Variants in LIMCH1 observed in about 807,000 individuals in gnomAD.
LIMCH1 encodes the protein LIM and calponin homology domains 1.
A neutral mutation model predicts 176.5 loss-of-function variants in LIMCH1; 113 were observed. The observed-to-expected ratio is 0.64, with a 90% confidence interval of 0.55 to 0.75. The LOEUF is 0.75. LIMCH1 is among the 30% of genes least tolerant of loss of function. The pLI, the probability that LIMCH1 is intolerant of heterozygous loss-of-function variation, is 0.00. For missense variants in LIMCH1, 1,674 were observed against 1,814.9 expected (o/e 0.92, Z 1.41); for synonymous variants, 619 against 645.9 (o/e 0.96, Z 0.63).
At chr4:41,555,789 A>G (rs529383549) in intron 1 of LIMCH1, among the ~76,000 whole-genome samples, 4 of 152,132 alleles carry the variant, frequency 2.6e-5, no homozygotes, top group African/African-American at 9.7e-5. Flanking sequence ...TCTGTTGCCC[A>G]GGCTGCAGTG....
chr4:41,518,927 G>A (rs997738249), intron 2 of LIMCH1, among the ~76,000 whole-genome samples: 2 of 151,862 alleles, frequency 1.3e-5, no homozygotes, highest in East Asian at 1.9e-4. Context: ...TTTTTTTTAC[G>A]GCTGCATAGT....
chr4:41,501,886 T>TAAA (rs1385656116), intron 2 of LIMCH1, among the ~76,000 whole-genome samples: 1 of 97,936 alleles, frequency 1.0e-5, no homozygotes, highest in Non-Finnish European at 2.0e-5. Flanking sequence ...TTTTTTTTTT[T>TAAA]AAAAAAAACC....
intron 1 of LIMCH1, among the ~76,000 whole-genome samples, chr4:41,419,683 CCTT>C (rs2060408126): frequency 4.9e-5 from 2 of 41,100 alleles, no homozygotes; most frequent in South Asian, 9.1e-4. Context: ...CTTCCTTCCT[CCTT>C]CCTTCCTTCC....
At chr4:41,661,310 A>C in intron 18 of LIMCH1, 110 bp from the exon 19 acceptor site, 65 of 687,422 alleles carry the variant, frequency 9.5e-5, no homozygotes, top group East Asian at 1.7e-4. Flanking sequence ...AGAAGAGGGA[A>C]TTCATATGGC....
chr4:41,477,559 A>G (rs2067938717), intron 1 of LIMCH1, among the ~76,000 whole-genome samples: 1 of 152,228 alleles, frequency 6.6e-6, no homozygotes, highest in African/African-American at 2.4e-5. Context: ...AGGGTTCAGA[A>G]GAGCCTGTAG....
intron 7 of LIMCH1, among the ~76,000 whole-genome samples, chr4:41,622,241 C>T (rs767533003): frequency 2.5e-4 from 38 of 151,946 alleles, no homozygotes; most frequent in Non-Finnish European, 4.3e-4. Flanking sequence ...ACACCATGTA[C>T]CAGAGACTGG....
chr4:41,557,546 C>CTGTGTATGTG (rs375027661), intron 1 of LIMCH1, among the ~76,000 whole-genome samples: 6,217 of 147,822 alleles, frequency 0.042, 348 homozygotes, highest in African/African-American at 0.12. Flanking sequence ...TTTATTGCCT[C>CTGTGTATGTG]TGTGTGTGTG....
intron 1 of LIMCH1, among the ~76,000 whole-genome samples, chr4:41,543,070 C>G (rs2078887283): frequency 6.6e-6 from 1 of 152,152 alleles, no homozygotes; most frequent in African/African-American, 2.4e-5. Flanking sequence ...GCTAATTGCA[C>G]AAACATGCGG....
Position 41,502,952 on chromosome 4 carries a change from A to T in LIMCH1, c.167+8346A>T, listed in dbSNP as rs142296526. Among the ~76,000 whole-genome samples, 14 of 151,770 alleles carry T rather than the reference A, an allele frequency of 9.2e-5. No homozygotes were observed. In the East Asian group the frequency reaches 1.4e-3, roughly 15 times the overall value. ...ACACACACACACCCCAGGTACAGAC[A>T]TAACTATATAACCATGCTTGAATTG... is the stretch of plus-strand genomic sequence containing the variant. On this transcript the variant is annotated intron_variant, in intron 2 of 26. Coordinates refer to the LIMCH1 transcript ENST00000313860.
rs2080009416 is a variant in LIMCH1 at position 41,549,067 on chromosome 4, T to TC, written c.-241+10717_-241+10718insC. ...TTTGTCCCCTACTGTTAATTTTTTT[T>TC]TTTAAAGACACTTGGTCTCACTATG... On this transcript the variant is annotated intron_variant, in intron 1 of 31. Transcript: ENST00000503057. Among the ~76,000 whole-genome samples, 3 of 151,174 alleles carry TC rather than the reference T, an allele frequency of 2.0e-5. 1 individual carries two copies. Among genetic ancestry groups the TC allele is most frequent in the Non-Finnish European group, 4.5e-5 (3 of 67,308 alleles).
chr4:41,412,383 G>A (rs1029820448), intron 1 of LIMCH1, among the ~76,000 whole-genome samples: 1 of 152,112 alleles, frequency 6.6e-6, no homozygotes, highest in Non-Finnish European at 1.5e-5. Context: ...ATCTCAATCT[G>A]CATTTTTCTT....
At chr4:41,638,111 G>GTTT (rs72184052) in intron 13 of LIMCH1, among the ~76,000 whole-genome samples, 26 of 91,612 alleles carry the variant, frequency 2.8e-4, no homozygotes, top group African/African-American at 6.1e-4. Flanking sequence ...TTTTGTTGTT[G>GTTT]TTGTTGTTGT....
chr4:41,520,079 G>A (rs772317374), intron 2 of LIMCH1, among the ~76,000 whole-genome samples: 9 of 152,038 alleles, frequency 5.9e-5, no homozygotes, highest in Non-Finnish European at 1.3e-4. Context: ...ATTTTTTACC[G>A]ATTTGCAAAC....
intron 21 of LIMCH1, among the ~76,000 whole-genome samples, chr4:41,667,787 G>T (rs7671106): frequency 0.57 from 86,156 of 151,766 alleles, 25,650 homozygotes; most frequent in African/African-American, 0.72. Flanking sequence ...GAGGGACTAT[G>T]CTTCAAAACA....
intron 1 of LIMCH1, among the ~76,000 whole-genome samples, chr4:41,589,939 A>G (rs1295127811): frequency 6.6e-6 from 1 of 152,034 alleles, no homozygotes; most frequent in East Asian, 1.9e-4. Context: ...CCTTAGGACA[A>G]TCTCAATGTC....
chr4:41,592,706 C>T (rs2087867258), intron 1 of LIMCH1, among the ~76,000 whole-genome samples: 1 of 152,194 alleles, frequency 6.6e-6, no homozygotes, highest in South Asian at 2.1e-4. Context: ...AGGTCGATAG[C>T]ATCCCCCACC....
chr4:41,569,343 G>A (rs1293905429), intron 1 of LIMCH1, among the ~76,000 whole-genome samples: 1 of 152,116 alleles, frequency 6.6e-6, no homozygotes, highest in Non-Finnish European at 1.5e-5. Flanking sequence ...TCCTGTAGGG[G>A]CAGCTCCCGT....
At chr4:41,374,536 G>C (rs770562577) in intron 1 of LIMCH1, among the ~76,000 whole-genome samples, 1 of 150,822 alleles carries the variant, frequency 6.6e-6, no homozygotes, top group Non-Finnish European at 1.5e-5. Flanking sequence ...TTTAAACTCT[G>C]TGTGTGTGTT....
intron 4 of LIMCH1, chr4:41,609,642 G>A (rs1310902100): frequency 2.2e-6 from 1 of 455,838 alleles, no homozygotes; most frequent in Non-Finnish European, 4.4e-6. Flanking sequence ...CTGAGAAAGG[G>A]GGATAGGAGG....
Sources: allele counts gnomAD v4.1 joint callset (sites outside exome capture counted in the v4.1 genomes callset), GRCh38; gene constraint gnomAD v4.1.1; transcripts MANE v1.5; gene names NCBI Gene and HGNC (gene_info 2026-07-23, HGNC 2026-07-21).